Variants in PRICKLE2 observed in about 807,000 individuals in gnomAD.
PRICKLE2 encodes the protein prickle planar cell polarity protein 2.
PRICKLE2 carries 21 observed loss-of-function variants against 81.4 expected under a neutral mutation model. The observed-to-expected ratio is 0.26, with a 90% CI of 0.18 to 0.37. PRICKLE2 has a LOEUF of 0.37. Among genes scored for constraint, PRICKLE2 ranks in the 10% least tolerant of loss-of-function variants. The pLI, the probability that PRICKLE2 is intolerant of heterozygous loss-of-function variation, is 1.00. For missense variants in PRICKLE2, 940 were observed against 1,109.0 expected (o/e 0.85, Z 2.16); for synonymous variants, 456 against 421.5 (o/e 1.08, Z -1.00).
intron 3 of PRICKLE2, among the ~76,000 whole-genome samples, chr3:64,160,687 C>T (rs1224641060): frequency 6.6e-6 from 1 of 152,218 alleles, no homozygotes; most frequent in Non-Finnish European, 1.5e-5. Context: ...GCCTGCTAGA[C>T]TTCAGTTGAG....
chr3:64,213,947 G>A (rs1303140517), intron 1 of PRICKLE2, among the ~76,000 whole-genome samples: 1 of 152,150 alleles, frequency 6.6e-6, no homozygotes, highest in African/African-American at 2.4e-5. Flanking sequence ...AAAACAAGAT[G>A]TGCTTTTTCC....
intron 7 of PRICKLE2, among the ~76,000 whole-genome samples, chr3:64,134,026 A>G (rs1014574148): frequency 1.3e-5 from 2 of 152,206 alleles, no homozygotes; most frequent in African/African-American, 4.8e-5. Flanking sequence ...AGGGTACCAA[A>G]TAATACAAGT....
intron 2 of PRICKLE2, among the ~76,000 whole-genome samples, chr3:64,171,991 C>G (rs376675487): frequency 6.6e-6 from 1 of 152,176 alleles, no homozygotes; most frequent in East Asian, 1.9e-4. Context: ...TAAGCCGGTA[C>G]CATAATTCAG....
At chr3:64,249,654 C>G (rs1051402188) in intron 2 of PRICKLE2, among the ~76,000 whole-genome samples, 11 of 152,136 alleles carry the variant, frequency 7.2e-5, no homozygotes, top group African/African-American at 2.7e-4. Flanking sequence ...TCCTTGAACC[C>G]TACTGGTCAT....
At chr3:64,261,131 T>C (rs1300457585) in intron 2 of PRICKLE2, among the ~76,000 whole-genome samples, 2 of 152,106 alleles carry the variant, frequency 1.3e-5, no homozygotes, top group African/African-American at 4.8e-5. Flanking sequence ...GCAACTATAA[T>C]TGATCTGGTT....
Position 64,095,809 on chromosome 3 carries a change from A to C in PRICKLE2, c.*3242T>G, listed in dbSNP as rs2076564437. ...AAGGTGAAAGTGGAAAGAAGGTGTC[A>C]AACAACCCACACCAGGACTTCTTCC... On this transcript the variant is annotated 3_prime_UTR_variant, in exon 8 of 8. Transcript: ENST00000638394. 6.6e-6 allele frequency: 1 copy of C among 152,164 alleles called. No homozygotes were observed. Among genetic ancestry groups the C allele is most frequent in the African/African-American group, 2.4e-5 (1 of 41,424 alleles). 9.4% of individuals were successfully genotyped at this position (152,164 alleles called of 1,614,324 possible).
intron 7 of PRICKLE2, among the ~76,000 whole-genome samples, chr3:64,119,704 G>A (rs932981698): frequency 6.6e-6 from 1 of 152,146 alleles, no homozygotes; most frequent in Non-Finnish European, 1.5e-5. Flanking sequence ...TCCCATTACC[G>A]GGTATATATC....
At chr3:64,161,050 T>C (rs911359525) in intron 3 of PRICKLE2, among the ~76,000 whole-genome samples, 1 of 152,212 alleles carries the variant, frequency 6.6e-6, no homozygotes, top group African/African-American at 2.4e-5. Context: ...AGCTGGTCAC[T>C]TTGCTTGCAG....
At chr3:64,161,479 G>T (rs1057119699) in intron 3 of PRICKLE2, among the ~76,000 whole-genome samples, 2 of 151,942 alleles carry the variant, frequency 1.3e-5, no homozygotes, top group Non-Finnish European at 2.9e-5. Context: ...TCTTATCTAT[G>T]CAAAAAAGAA....
At chr3:64,186,323 C>T (rs1407606987) in intron 2 of PRICKLE2, among the ~76,000 whole-genome samples, 2 of 152,134 alleles carry the variant, frequency 1.3e-5, no homozygotes, top group Admixed American at 6.6e-5. Context: ...CCTTGTTTTT[C>T]AGAAGATGAG....
chr3:64,139,856 C>A (rs892983624), intron 7 of PRICKLE2, among the ~76,000 whole-genome samples: 1 of 152,186 alleles, frequency 6.6e-6, no homozygotes, highest in African/African-American at 2.4e-5. Flanking sequence ...CTTCCCCTAT[C>A]CCTGAAGCAT....
chr3:64,119,190 G>A (rs1354949750), intron 7 of PRICKLE2, among the ~76,000 whole-genome samples: 1 of 152,138 alleles, frequency 6.6e-6, no homozygotes, highest in Non-Finnish European at 1.5e-5. Context: ...TGGACACATG[G>A]AGGGGAACAA....
intron 2 of PRICKLE2, among the ~76,000 whole-genome samples, chr3:64,247,145 C>T (rs2079370363): frequency 6.6e-6 from 1 of 152,158 alleles, no homozygotes; most frequent in Non-Finnish European, 1.5e-5. Flanking sequence ...AGGGTTCTTG[C>T]CTGGTCACCT....
At chr3:64,253,164 T>C (rs1402806464) in intron 2 of PRICKLE2, among the ~76,000 whole-genome samples, 1 of 152,234 alleles carries the variant, frequency 6.6e-6, no homozygotes, top group Non-Finnish European at 1.5e-5. Context: ...GTACCAACTA[T>C]TATGCTAATG....
chr3:64,258,845 A>AAAG (rs1553663504), intron 2 of PRICKLE2, among the ~76,000 whole-genome samples: 702 of 33,650 alleles, frequency 0.021, 2 homozygotes, highest in Middle Eastern at 0.083. Flanking sequence ...AAAAAAAAAA[A>AAAG]AAAGAAAGAA....
intron 1 of PRICKLE2, among the ~76,000 whole-genome samples, chr3:64,203,324 G>A (rs1223747652): frequency 6.6e-6 from 1 of 152,154 alleles, no homozygotes; most frequent in Non-Finnish European, 1.5e-5. Context: ...AGGTCTGTTG[G>A]GAAGCAGTCA....
chr3:64,266,114 C>T (rs998350725), intron 2 of PRICKLE2, among the ~76,000 whole-genome samples: 1 of 151,994 alleles, frequency 6.6e-6, no homozygotes, highest in African/African-American at 2.4e-5. Flanking sequence ...TGTGTACCAT[C>T]TGAGGCTGAT....
intron 7 of PRICKLE2, among the ~76,000 whole-genome samples, chr3:64,105,333 A>T (rs2076737853): frequency 6.6e-6 from 1 of 152,218 alleles, no homozygotes; most frequent in African/African-American, 2.4e-5. Flanking sequence ...TAGCTGAATG[A>T]ATCCCCTGGG....
At position 64,225,060 on chromosome 3, in the gene PRICKLE2, C is replaced by T; in HGVS notation, c.-191G>A. On this transcript the variant is annotated 5_prime_UTR_variant, in exon 1 of 8. Transcript: ENST00000638394. Reference sequence around the variant, plus strand: ...GCCAAAGCATCTTCTCCTCAAACCCCCTTTTCAGTCTGAACCCTTCCTGAA... The same window carrying T: ...GCCAAAGCATCTTCTCCTCAAACCCTCTTTTCAGTCTGAACCCTTCCTGAA... 2.0e-6 allele frequency: 2 copies of T among 985,502 alleles called. No individual in the cohort carries two copies. The highest frequency in any genetic ancestry group is 2.4e-6 in the Non-Finnish European group (2 of 830,048). 61.0% of individuals were successfully genotyped at this position (985,502 alleles called of 1,614,324 possible).
Sources: gnomAD v4.1 joint callset for allele counts (sites outside exome capture counted in the v4.1 genomes callset) on GRCh38, gnomAD v4.1.1 for gene constraint, MANE v1.5 for transcripts, NCBI Gene and HGNC (gene_info 2026-07-23, HGNC 2026-07-21) for gene names.